Variants in ESR1 observed in about 807,000 individuals in gnomAD.
The protein encoded by ESR1 is estrogen receptor.
ESR1 carries 12 observed loss-of-function variants against 52.7 expected under a neutral mutation model. That is an observed-to-expected ratio of 0.23 (90% confidence interval 0.15 to 0.37). The LOEUF is 0.37. Ranked by LOEUF, ESR1 falls within the 10% of genes least tolerant of loss-of-function variation. The pLI is 1.00. For synonymous variants in ESR1, 305 were observed against 316.8 expected, an observed-to-expected ratio of 0.96 and a Z score of 0.39; for missense variants, 584 against 779.7, an observed-to-expected ratio of 0.75 and a Z score of 2.99.
chr6:151,847,507 T>C (rs1015033595), intron 2 of ESR1, among the ~76,000 whole-genome samples: 1 of 146,940 alleles, frequency 6.8e-6, no homozygotes, highest in African/African-American at 2.5e-5. Context: ...TGAGCATTTC[T>C]TCATGTGTTT....
chr6:151,921,344 T>C (rs2031627241), intron 3 of ESR1, among the ~76,000 whole-genome samples: 1 of 152,184 alleles, frequency 6.6e-6, no homozygotes, highest in Admixed American at 6.5e-5. Flanking sequence ...CTGATAGGCA[T>C]TTGGTTTGAT....
At chr6:151,851,551 A>G (rs1165165165) in intron 2 of ESR1, among the ~76,000 whole-genome samples, 1 of 144,666 alleles carries the variant, frequency 6.9e-6, no homozygotes, top group Admixed American at 7.0e-5. Context: ...TTTTTGAGAC[A>G]GAGTCTCACT....
chr6:151,840,938 T>G (rs1172074845), intron 1 of ESR1, among the ~76,000 whole-genome samples: 1 of 152,196 alleles, frequency 6.6e-6, no homozygotes, highest in East Asian at 1.9e-4. Context: ...CCACCTTTAT[T>G]TGATTGCACA....
intron 3 of ESR1, among the ~76,000 whole-genome samples, chr6:151,904,329 T>C (rs1250888727): frequency 3.3e-5 from 5 of 152,348 alleles, no homozygotes; most frequent in African/African-American, 9.6e-5. Context: ...ATTTTAGTGG[T>C]ATACACTATC....
intron 2 of ESR1, among the ~76,000 whole-genome samples, chr6:151,879,228 C>T (rs9340837): frequency 1.3e-5 from 2 of 151,906 alleles, no homozygotes; most frequent in South Asian, 2.1e-4. Flanking sequence ...TGTCTCACAG[C>T]GGGAAGGGAG....
intron 1 of ESR1, among the ~76,000 whole-genome samples, chr6:151,679,175 C>T (rs1300434528): frequency 6.6e-6 from 1 of 152,062 alleles, no homozygotes; most frequent in Non-Finnish European, 1.5e-5. Context: ...AGGTCCTGAC[C>T]CAGTTGTGGA....
At chr6:151,868,199 C>G (rs1790302489) in intron 2 of ESR1, among the ~76,000 whole-genome samples, 1 of 152,096 alleles carries the variant, frequency 6.6e-6, no homozygotes, top group Non-Finnish European at 1.5e-5. Context: ...TTGATCTCGG[C>G]TCAATGCAAC....
intron 3 of ESR1, among the ~76,000 whole-genome samples, chr6:151,899,244 G>A (rs1260636815): frequency 2.1e-5 from 3 of 144,446 alleles, no homozygotes; most frequent in Admixed American, 6.8e-5. Context: ...CAGCTGGCCA[G>A]GCGGGGGGCT....
intron 1 of ESR1, among the ~76,000 whole-genome samples, chr6:151,829,022 C>A (rs1306873813): frequency 1.3e-5 from 2 of 152,230 alleles, no homozygotes; most frequent in African/African-American, 4.8e-5. Context: ...CCCTTAGCAT[C>A]TGCTCAGAGA....
chr6:151,807,172 A>G (rs1398584072), upstream of ESR1: 1 of 151,908 alleles, frequency 6.6e-6, no homozygotes, highest in Non-Finnish European at 1.5e-5. Flanking sequence ...GCTGCTAAAT[A>G]TAGCTGTCTG....
chr6:151,832,550 A>G (rs1053130188), intron 1 of ESR1, among the ~76,000 whole-genome samples: 1 of 152,182 alleles, frequency 6.6e-6, no homozygotes, highest in Non-Finnish European at 1.5e-5. Context: ...CCACATTTAG[A>G]TGGACTGGGA....
chr6:152,036,818 G>A (rs1473961964), intron 5 of ESR1, among the ~76,000 whole-genome samples: 1 of 152,196 alleles, frequency 6.6e-6, no homozygotes, highest in African/African-American at 2.4e-5. Flanking sequence ...TGCTTCAAGG[G>A]CTTCATTAGC....
chr6:152,026,420 T>C (rs577175298), intron 5 of ESR1, among the ~76,000 whole-genome samples: 10 of 152,098 alleles, frequency 6.6e-5, no homozygotes, highest in African/African-American at 2.2e-4. Flanking sequence ...TTTTCACTTG[T>C]TTAATATATC....
rs552613392 is a variant in ESR1, at chr6:151,722,011, A to T, written c.-71+20006A>T. Reference sequence around the variant, plus strand: ...TTTGCTTTCCAACAGATGGTGACAGATTAATTTCCTAAGAGACTGATCTGC... The same window carrying T: ...TTTGCTTTCCAACAGATGGTGACAGTTTAATTTCCTAAGAGACTGATCTGC... On this transcript the variant is annotated intron_variant, in intron 2 of 2. Coordinates refer to the ESR1 transcript ENST00000404742. Among the ~76,000 whole-genome samples, 9 of 152,362 alleles carry T rather than the reference A, an allele frequency of 5.9e-5. No individual in the cohort carries two copies. The South Asian group carries it at 1.7e-3, about 28-fold the overall frequency.
intron 7 of ESR1, among the ~76,000 whole-genome samples, chr6:152,095,082 C>T (rs1032210092): frequency 9.2e-5 from 14 of 152,268 alleles, no homozygotes; most frequent in Admixed American, 2.6e-4. Flanking sequence ...TTCTGTTGGA[C>T]TTCTGTGCCA....
At chr6:151,772,415 G>T (rs1785598063) in intron 2 of ESR1, among the ~76,000 whole-genome samples, 1 of 152,204 alleles carries the variant, frequency 6.6e-6, no homozygotes, top group African/African-American at 2.4e-5. Flanking sequence ...ACAAAGGGTG[G>T]TGGGTGGCAC....
intron 2 of ESR1, among the ~76,000 whole-genome samples, chr6:151,718,882 TTC>T (rs576231913): frequency 6.2e-4 from 94 of 152,232 alleles, no homozygotes; most frequent in African/African-American, 2.1e-3. Context: ...CACTCCCCTC[TTC>T]TCTCTTATCT....
chr6:151,995,140 A>T (rs1015255627), intron 4 of ESR1, among the ~76,000 whole-genome samples: 4 of 152,128 alleles, frequency 2.6e-5, no homozygotes. Context: ...GGAAGCTGAC[A>T]ATCTGCATGA....
chr6:152,118,610 G>A (rs903552057), intron 6 of ESR1, among the ~76,000 whole-genome samples: 2 of 138,280 alleles, frequency 1.4e-5, no homozygotes, highest in Admixed American at 7.3e-5. Flanking sequence ...GGGGTAGGAG[G>A]TAAGGGGTGG....
Sources: allele counts gnomAD v4.1 joint callset (sites outside exome capture counted in the v4.1 genomes callset), GRCh38; gene constraint gnomAD v4.1.1; transcripts MANE v1.5; gene names NCBI Gene and HGNC (gene_info 2026-07-23, HGNC 2026-07-21).